The following ARMC2 variants were observed in gnomAD, a reference collection of about 807,000 sequenced individuals.
The protein encoded by ARMC2 is armadillo repeat containing 2.
A neutral mutation model predicts 90.3 loss-of-function variants in ARMC2; 67 were observed. The observed-to-expected ratio is 0.74, with a 90% CI of 0.61 to 0.91. The LOEUF (loss-of-function observed/expected upper bound fraction) is 0.91, where lower values mean the gene tolerates loss of function less well. ARMC2 is among the 40% of genes least tolerant of loss of function. The pLI is 0.00. For synonymous variants in ARMC2, 393 were observed against 393.0 expected, an observed-to-expected ratio of 1.00 and a Z score of 0.00; for missense variants, 920 against 1,030.9, an observed-to-expected ratio of 0.89 and a Z score of 1.47.
the ARMC2 span, among the ~76,000 whole-genome samples, chr6:109,008,458 T>C: frequency 1.3e-5 from 2 of 152,236 alleles, no homozygotes. Context: ...AAATATTTGG[T>C]GCTTTACAAC....
chr6:109,021,228 C>G, the ARMC2 span, among the ~76,000 whole-genome samples: 1 of 152,128 alleles, frequency 6.6e-6, no homozygotes, highest in Admixed American at 6.5e-5. Context: ...AAGTGAACTC[C>G]CGCCTCAGCC....
At chr6:108,910,647 T>C (rs920845114) in intron 8 of ARMC2, among the ~76,000 whole-genome samples, 4 of 152,194 alleles carry the variant, frequency 2.6e-5, no homozygotes. Context: ...TTCCACAGTA[T>C]TCACAATCGC....
the ARMC2 span, among the ~76,000 whole-genome samples, chr6:109,031,272 G>C: frequency 6.6e-6 from 1 of 152,156 alleles, no homozygotes; most frequent in Non-Finnish European, 1.5e-5. Flanking sequence ...ACTGCAGGGG[G>C]TAATAAAGGA....
intron 12 of ARMC2, among the ~76,000 whole-genome samples, chr6:108,946,512 A>G (rs1383743909): frequency 3.3e-5 from 5 of 152,166 alleles, no homozygotes; most frequent in Non-Finnish European, 7.4e-5. Flanking sequence ...GCTAAAATTT[A>G]TCTGTTCTTC....
intron 12 of ARMC2, among the ~76,000 whole-genome samples, chr6:108,937,903 A>G (rs1314234139): frequency 1.3e-5 from 2 of 151,854 alleles, no homozygotes; most frequent in Non-Finnish European, 2.9e-5. Context: ...TCACCGTGTT[A>G]GCCAGGATGG....
rs372844230 is a variant in ARMC2, at chr6:108,879,298, A to G, written c.671+2948A>G. On this transcript the variant is annotated intron_variant, in intron 5 of 17. Coordinates refer to ENST00000392644, the MANE Select transcript of ARMC2 (RefSeq NM_032131.6). ...CATCCATTCATCCATCCATCTATCCATCCATCTACCCATCCACCCATCCAT... is the reference window on the plus strand; with the variant it reads ...CATCCATTCATCCATCCATCTATCCGTCCATCTACCCATCCACCCATCCAT... 7.6e-4 allele frequency among the ~76,000 whole-genome samples: 114 copies of G among 150,322 alleles called. No individual in the cohort carries two copies. In the East Asian group the frequency reaches 0.021, roughly 28 times the overall value.
At position 108,953,100 on chromosome 6, in the gene ARMC2, A is replaced by G; in HGVS notation, c.1664A>G (p.Gln555Arg). Residue 555 changes from glutamine (Q) to arginine (R), a missense_variant, in exon 13 of 18, where the codon CAA becomes CGA. By Grantham distance (43) the Gln-to-Arg change is conservative (BLOSUM62 1). Coordinates refer to ENST00000392644, the MANE Select transcript of ARMC2 (RefSeq NM_032131.6). ...LTAKNNQAREQFSKEKGSIQT... is the reference protein window; with the variant it reads ...LTAKNNQARERFSKEKGSIQT... ...GCAAAAAATAACCAGGCTCGTGAAC[A>G]ATTTTCCAAAGAGAAAGGGAGCATC... 1 of 1,613,934 alleles carries G rather than the reference A, an allele frequency of 6.2e-7. No individual in the cohort carries two copies. The highest frequency in any genetic ancestry group is 8.5e-7 in the Non-Finnish European group (1 of 1,179,872).
chr6:108,991,372 A>T, the ARMC2 span, among the ~76,000 whole-genome samples: 1 of 152,124 alleles, frequency 6.6e-6, no homozygotes, highest in African/African-American at 2.4e-5. Flanking sequence ...CCTCCTGAGT[A>T]ACTGGAACTA....
At chr6:108,943,342 C>T (rs1445612880) in intron 12 of ARMC2, among the ~76,000 whole-genome samples, 2 of 151,964 alleles carry the variant, frequency 1.3e-5, no homozygotes, top group Non-Finnish European at 2.9e-5. Context: ...TACAACTGTG[C>T]TGTGAGGGGT....
chr6:108,907,082 CATT>C (rs1340837956), intron 8 of ARMC2, among the ~76,000 whole-genome samples: 1 of 152,140 alleles, frequency 6.6e-6, no homozygotes, highest in African/African-American at 2.4e-5. Context: ...TGTAAATTGA[CATT>C]ATAGCAGGCC....
the ARMC2 span, among the ~76,000 whole-genome samples, chr6:109,039,407 T>C: frequency 1.3e-4 from 20 of 152,352 alleles, no homozygotes; most frequent in African/African-American, 4.6e-4. Context: ...TTACAAACAG[T>C]AACTATTAAT....
chr6:108,885,789 T>G (rs866931325), intron 5 of ARMC2, among the ~76,000 whole-genome samples: 1 of 152,198 alleles, frequency 6.6e-6, no homozygotes, highest in Non-Finnish European at 1.5e-5. Context: ...TGTCCACCCC[T>G]CTGTTGGCAT....
Position 108,961,619 on chromosome 6 carries a change from G to A in ARMC2, c.1963G>A (p.Ala655Thr). The A allele has an allele frequency of 1.2e-6, 2 of 1,612,434 alleles. No homozygotes were observed. Among genetic ancestry groups the A allele is most frequent in the Non-Finnish European group, 1.7e-6 (2 of 1,179,374 alleles). Reference protein sequence around the residue: ...DCEELVINATATINNLSYYQV... With the variant: ...DCEELVINATTTINNLSYYQV... Reference sequence around the variant, plus strand: ...TGAGGAGCTGGTGATCAATGCTACAGCGACAATCAACAATTTATCTTACTA... The same window carrying A: ...TGAGGAGCTGGTGATCAATGCTACAACGACAATCAACAATTTATCTTACTA... The change falls in exon 14 of 18, where the codon GCG (alanine) becomes ACG (threonine). Residue 655 changes from alanine to threonine, a missense_variant. By Grantham distance (58) the Ala-to-Thr change is moderately conservative (BLOSUM62 0). Coordinates refer to ENST00000392644, the MANE Select transcript of ARMC2 (RefSeq NM_032131.6).
At chr6:108,921,125 TGC>T (rs1774520653) in intron 10 of ARMC2, among the ~76,000 whole-genome samples, 1 of 152,244 alleles carries the variant, frequency 6.6e-6, no homozygotes, top group African/African-American at 2.4e-5. Flanking sequence ...TAGTTCTTAA[TGC>T]ACTATCTTTT....
At chr6:108,920,688 TG>T (rs549516048) in intron 10 of ARMC2, among the ~76,000 whole-genome samples, 88 of 152,202 alleles carry the variant, frequency 5.8e-4, no homozygotes, top group Non-Finnish European at 9.9e-4. Flanking sequence ...TCACCGTGGT[TG>T]GAGGATGTGG....
At chr6:108,876,080 T>C in intron 4 of ARMC2, 63 bp from the exon 5 acceptor site, 1 of 1,254,860 alleles carries the variant, frequency 8.0e-7, no homozygotes, top group Non-Finnish European at 1.1e-6. Context: ...AAAATAACAT[T>C]GAAAGGTAGT....
intron 13 of ARMC2, among the ~76,000 whole-genome samples, chr6:108,955,272 C>T (rs892484468): frequency 6.6e-6 from 1 of 152,120 alleles, no homozygotes; most frequent in African/African-American, 2.4e-5. Flanking sequence ...ATTGAGTGCA[C>T]AGACAAGAAC....
rs754936975 is a variant in ARMC2 at position 108,868,907 on chromosome 6, T to C, written c.375T>C (p.Ile125=). Reference sequence around the variant, plus strand: ...AGCCCCCAGTGGACCCTGCGAAGATTAGAAGAGTAAGCAACGCCAGGGCTC... The same window carrying C: ...AGCCCCCAGTGGACCCTGCGAAGATCAGAAGAGTAAGCAACGCCAGGGCTC... The part of the protein sequence containing the change: ...FPKPPVDPAK[I]RRVSNARARL... The change falls in exon 4 of 18, where the codon ATT becomes ATC. Residue 125 remains isoleucine, a synonymous_variant. Transcript: ENST00000392644. The C allele has an allele frequency of 1.7e-5, 27 of 1,613,882 alleles. No individual in the cohort carries two copies. The highest frequency in any genetic ancestry group is 2.3e-5 in the Non-Finnish European group (27 of 1,179,900).
At chr6:108,946,023 G>C (rs1166742269) in intron 12 of ARMC2, among the ~76,000 whole-genome samples, 3 of 152,240 alleles carry the variant, frequency 2.0e-5, no homozygotes, top group Admixed American at 6.5e-5. Context: ...AGAGCATTTG[G>C]CTGAGCTTGC....
Sources: gnomAD v4.1 joint callset for allele counts (sites outside exome capture counted in the v4.1 genomes callset) on GRCh38, gnomAD v4.1.1 for gene constraint, MANE v1.5 for transcripts, NCBI Gene and HGNC (gene_info 2026-07-23, HGNC 2026-07-21) for gene names.